Variants in MAGI1 observed in about 807,000 individuals in gnomAD.
MAGI1 encodes the protein membrane associated guanylate kinase, WW and PDZ domain containing 1.
In MAGI1, 58 loss-of-function variants were observed where a neutral mutation model predicts 139.9. The ratio of observed to expected loss-of-function variants is 0.41; its 90% confidence interval spans 0.34 to 0.52. MAGI1 has a LOEUF of 0.52. Among genes scored for constraint, MAGI1 ranks in the 20% least tolerant of loss-of-function variants. MAGI1 has a pLI of 0.12. For missense variants in MAGI1, 1,874 were observed against 1,901.6 expected (o/e 0.99, Z 0.27); for synonymous variants, 812 against 737.9 (o/e 1.10, Z -1.63).
At chr3:65,757,973 A>G (rs1351865406) in intron 1 of MAGI1, among the ~76,000 whole-genome samples, 4 of 152,152 alleles carry the variant, frequency 2.6e-5, no homozygotes, top group Non-Finnish European at 5.9e-5. Flanking sequence ...CTTTCCAGAA[A>G]CTTCCTTCAG....
At chr3:65,749,618 C>G (rs115963742) in intron 1 of MAGI1, among the ~76,000 whole-genome samples, 4,176 of 150,454 alleles carry the variant, frequency 0.028, 92 homozygotes, top group Non-Finnish European at 0.043. Flanking sequence ...GAAATCACCA[C>G]TAAAAAACCT....
At chr3:65,638,248 ATG>A (rs1448577340) in intron 1 of MAGI1, among the ~76,000 whole-genome samples, 4 of 152,168 alleles carry the variant, frequency 2.6e-5, no homozygotes, top group Non-Finnish European at 1.5e-5. Context: ...ATGCTCACTA[ATG>A]TGAGCTACCC....
intron 1 of MAGI1, among the ~76,000 whole-genome samples, chr3:65,749,313 G>A (rs545827141): frequency 1.3e-5 from 2 of 152,296 alleles, no homozygotes; most frequent in South Asian, 2.1e-4. Context: ...CAAATAAGGT[G>A]AAGGTGATGT....
intron 22 of MAGI1, chr3:65,360,779 G>A (rs1575596114): frequency 2.0e-6 from 2 of 1,018,424 alleles, no homozygotes; most frequent in Non-Finnish European, 2.4e-6. Flanking sequence ...AAGACACCAA[G>A]TAACCAAAAA....
intron 18 of MAGI1, among the ~76,000 whole-genome samples, chr3:65,372,111 C>A (rs1942062142): frequency 6.6e-6 from 1 of 152,100 alleles, no homozygotes; most frequent in Non-Finnish European, 1.5e-5. Flanking sequence ...ATGGATTTTC[C>A]AAATCCATTA....
intron 1 of MAGI1, among the ~76,000 whole-genome samples, chr3:65,889,121 G>C (rs747518175): frequency 6.6e-6 from 1 of 152,168 alleles, no homozygotes; most frequent in African/African-American, 2.4e-5. Context: ...AAGCATCTGT[G>C]AAACTTTCTG....
intron 1 of MAGI1, among the ~76,000 whole-genome samples, chr3:65,978,621 CTT>C (rs373662388): frequency 0.011 from 1,463 of 129,118 alleles, 17 homozygotes; most frequent in African/African-American, 0.032. Flanking sequence ...CTCAAAATTT[CTT>C]TTTTTTTTTT....
chr3:66,015,382 T>C (rs886995359), intron 1 of MAGI1, among the ~76,000 whole-genome samples: 8 of 151,972 alleles, frequency 5.3e-5, no homozygotes, highest in African/African-American at 1.9e-4. Context: ...TTGATAACTG[T>C]GGACGCAGCC....
rs567642290 is a variant in MAGI1, at chr3:65,609,322, C to T, written c.430+12650G>A. 1.6e-3 allele frequency among the ~76,000 whole-genome samples: 235 copies of T among 151,286 alleles called. 3 individuals are homozygous for T. Among genetic ancestry groups the T allele is most frequent in the Non-Finnish European group, 2.2e-3 (151 of 67,828 alleles). On this transcript the variant is annotated intron_variant, in intron 2 of 22. Coordinates refer to ENST00000402939, the MANE Select transcript of MAGI1 (RefSeq NM_001033057.2). ...AGATGGAGTCTTGCTCTGTCACCCA[C>T]GCTGGAATGCAGTGGCCTGATGTTG...
intron 1 of MAGI1, among the ~76,000 whole-genome samples, chr3:65,950,054 A>AC (rs1456613485): frequency 2.8e-5 from 1 of 35,990 alleles, no homozygotes; most frequent in African/African-American, 6.0e-5. Context: ...CAAAAAAAAA[A>AC]AAAACAAAAA....
chr3:65,663,230 C>A (rs2086303520), intron 1 of MAGI1, among the ~76,000 whole-genome samples: 1 of 152,192 alleles, frequency 6.6e-6, no homozygotes. Context: ...GCTTCTGAGA[C>A]TACCAGGGTT....
intron 5 of MAGI1, among the ~76,000 whole-genome samples, chr3:65,468,663 C>T (rs573381725): frequency 8.7e-4 from 132 of 152,150 alleles, no homozygotes; most frequent in Middle Eastern, 6.8e-3. Context: ...AGGCGTGAGC[C>T]ACTGCACCCG....
intron 2 of MAGI1, among the ~76,000 whole-genome samples, chr3:65,505,211 G>A (rs2077233611): frequency 6.6e-6 from 1 of 151,990 alleles, no homozygotes; most frequent in African/African-American, 2.4e-5. Context: ...TGTGTAAAAT[G>A]GAATGAACTA....
intron 1 of MAGI1, among the ~76,000 whole-genome samples, chr3:65,707,771 T>C (rs2030623203): frequency 6.6e-6 from 1 of 151,844 alleles, no homozygotes; most frequent in Non-Finnish European, 1.5e-5. Context: ...AAAAGATATT[T>C]CACCAACTAT....
intron 2 of MAGI1, among the ~76,000 whole-genome samples, chr3:65,571,884 A>C (rs926251333): frequency 2.6e-5 from 4 of 152,170 alleles, no homozygotes; most frequent in South Asian, 2.1e-4. Context: ...GCACAAAATT[A>C]GGCACCAAAT....
chr3:65,951,513 A>G (rs2106957980), intron 1 of MAGI1, among the ~76,000 whole-genome samples: 1 of 152,372 alleles, frequency 6.6e-6, no homozygotes, highest in Admixed American at 6.5e-5. Context: ...AGACAGTATG[A>G]AAAACACGTC....
chr3:65,843,118 A>G (rs2058864540), intron 1 of MAGI1, among the ~76,000 whole-genome samples: 1 of 152,198 alleles, frequency 6.6e-6, no homozygotes, highest in South Asian at 2.1e-4. Flanking sequence ...CAATTCTAAT[A>G]AAAAGAATTG....
rs201945322 is a variant in MAGI1 at position 65,379,464 on chromosome 3, G to A, written c.2792C>T (p.Pro931Leu). ...PASLTEEKRT[P>L]QGSQNSLNTV... ...GTTCAGCGAGTTCTGGCTGCCCTGC[G>A]GAGTGCGCTTCTCTTCTGTCAGCGA... is the stretch of plus-strand genomic sequence containing the variant. Residue 931 changes from proline (P) to leucine (L), a missense_variant, in exon 17 of 23, where the codon CCG becomes CTG. Transcript: ENST00000402939. The A allele has an allele frequency of 4.3e-6, 7 of 1,613,954 alleles. No homozygotes were observed. The highest frequency in any genetic ancestry group is 4.5e-5 in the East Asian group (2 of 44,882).
At chr3:65,950,078 C>CAAAAAAAAAAAAAAAAAAAAAAAAAAAAA (rs751496271) in intron 1 of MAGI1, among the ~76,000 whole-genome samples, 2 of 40,338 alleles carry the variant, frequency 5.0e-5, no homozygotes, top group Non-Finnish European at 7.3e-5. Context: ...AAAAAAAAAA[C>CAAAAAAAAAAAAAAAAAAAAAAAAAAAAA]AAAAAAAAAA....
Sources: allele counts gnomAD v4.1 joint callset (sites outside exome capture counted in the v4.1 genomes callset), GRCh38; gene constraint gnomAD v4.1.1; transcripts MANE v1.5; gene names NCBI Gene and HGNC (gene_info 2026-07-23, HGNC 2026-07-21).